CSGALNACT1: variants seen among roughly 807,000 people sequenced by gnomAD.
CSGALNACT1 encodes beta4GalNAcT-1.
A neutral mutation model predicts 51.0 loss-of-function variants in CSGALNACT1; 52 were observed. That is an observed-to-expected ratio of 1.02 (90% CI 0.82 to 1.29). CSGALNACT1 has a LOEUF of 1.29. Among genes scored for constraint, CSGALNACT1 ranks in the 50% most tolerant of loss-of-function variants. CSGALNACT1 has a pLI of 0.00. For synonymous variants in CSGALNACT1, 341 were observed against 254.4 expected (o/e 1.34, Z -3.24); for missense variants, 935 against 679.2 (o/e 1.38, Z -4.19).
At chr8:19,420,463 C>T in exon 7 of CSGALNACT1, 1 of 1,614,210 alleles carries the variant, frequency 6.2e-7, no homozygotes, top group Non-Finnish European at 8.5e-7. Flanking sequence ...AGTCCCTTTC[C>T]CCGAGAAAAT....
In CSGALNACT1 at chr8:19,632,946, T is replaced by G. The variant is rs2154171116; in HGVS notation, c.-543-31081A>C. ...ATTTTTTTTTCTTTTTTTTTTTTTTTTGGTAGAGACGAGGTTTCCCCATGT... is the reference window on the plus strand; with the variant it reads ...ATTTTTTTTTCTTTTTTTTTTTTTTGTGGTAGAGACGAGGTTTCCCCATGT... On this transcript the variant is annotated intron_variant, in intron 1 of 9. Transcript: ENST00000332246. Among the ~76,000 whole-genome samples the G allele has an allele frequency of 2.0e-5, 3 of 150,320 alleles. No individual in the cohort carries two copies. The East Asian group carries it at 5.8e-4, about 29-fold the overall frequency.
At chr8:19,580,921 A>G (rs2045425493) in intron 3 of CSGALNACT1, among the ~76,000 whole-genome samples, 1 of 152,222 alleles carries the variant, frequency 6.6e-6, no homozygotes, top group East Asian at 1.9e-4. Flanking sequence ...TTGGAGTGAA[A>G]CAGGTGTCAG....
intron 8 of CSGALNACT1, among the ~76,000 whole-genome samples, chr8:19,417,891 C>T (rs751054827): frequency 6.6e-6 from 1 of 152,220 alleles, no homozygotes; most frequent in Non-Finnish European, 1.5e-5. Flanking sequence ...CCAGAAGACA[C>T]AGAGATCCTC....
intron 4 of CSGALNACT1, among the ~76,000 whole-genome samples, chr8:19,476,395 C>G (rs905552043): frequency 3.9e-5 from 6 of 152,130 alleles, no homozygotes; most frequent in Admixed American, 3.9e-4. Flanking sequence ...TGCCCACCAC[C>G]ACGCCTGGCT....
intron 1 of CSGALNACT1, among the ~76,000 whole-genome samples, chr8:19,673,281 G>C (rs1344129461): frequency 6.6e-6 from 1 of 152,224 alleles, no homozygotes; most frequent in Non-Finnish European, 1.5e-5. Context: ...AACTACTGCA[G>C]CTTCACAACT....
At chr8:19,729,850 T>C (rs1478793852) in intron 1 of CSGALNACT1, among the ~76,000 whole-genome samples, 1 of 151,884 alleles carries the variant, frequency 6.6e-6, no homozygotes, top group Non-Finnish European at 1.5e-5. Flanking sequence ...CTGAACGGGG[T>C]CCCATGAAGA....
chr8:19,634,422 G>C (rs776448462), intron 1 of CSGALNACT1, among the ~76,000 whole-genome samples: 2 of 152,036 alleles, frequency 1.3e-5, no homozygotes, highest in Non-Finnish European at 2.9e-5. Context: ...CCAGCAGAGA[G>C]AGGCCGAGGC....
intron 5 of CSGALNACT1, chr8:19,457,856 C>G: frequency 7.6e-7 from 1 of 1,307,608 alleles, no homozygotes; most frequent in Non-Finnish European, 1.0e-6. Flanking sequence ...TGAGTAGCTA[C>G]AAAAATGTGG....
intron 6 of CSGALNACT1, among the ~76,000 whole-genome samples, chr8:19,426,561 G>A (rs4554480): frequency 0.47 from 70,958 of 152,000 alleles, 18,017 homozygotes; most frequent in East Asian, 0.83. Context: ...GAAACTGAAC[G>A]TGCAGTTCCA....
chr8:19,479,420 G>C (rs148033732), intron 4 of CSGALNACT1, among the ~76,000 whole-genome samples: 2,057 of 152,270 alleles, frequency 0.014, 19 homozygotes, highest in Middle Eastern at 0.037. Context: ...GTCCAGGCTG[G>C]CCTTTGGTTT....
chr8:19,509,114 G>T (rs192154630), intron 3 of CSGALNACT1, among the ~76,000 whole-genome samples: 2 of 152,190 alleles, frequency 1.3e-5, no homozygotes, highest in African/African-American at 2.4e-5. Context: ...AGCAGATAAC[G>T]TGTGTCGGAA....
chr8:19,517,333 G>A (rs546958334), intron 3 of CSGALNACT1, among the ~76,000 whole-genome samples: 218 of 152,212 alleles, frequency 1.4e-3, no homozygotes, highest in African/African-American at 5.0e-3. Context: ...CCAGTTGCTC[G>A]GGAGGCTGAG....
intron 6 of CSGALNACT1, among the ~76,000 whole-genome samples, chr8:19,421,586 C>A (rs942683294): frequency 6.6e-6 from 1 of 152,346 alleles, no homozygotes; most frequent in East Asian, 1.9e-4. Context: ...CATGCCCCAA[C>A]TTCTCTCTAC....
chr8:19,727,142 C>A (rs2063443749), intron 1 of CSGALNACT1, among the ~76,000 whole-genome samples: 1 of 152,096 alleles, frequency 6.6e-6, no homozygotes, highest in South Asian at 2.1e-4. Flanking sequence ...CCAGACTTTC[C>A]TTATCGGGAA....
intron 4 of CSGALNACT1, among the ~76,000 whole-genome samples, chr8:19,502,500 T>C (rs919606032): frequency 6.6e-6 from 1 of 152,198 alleles, no homozygotes; most frequent in Non-Finnish European, 1.5e-5. Context: ...TGTTATTTTT[T>C]AAATACAAAG....
At chr8:19,677,352 C>G (rs1252887601) in intron 1 of CSGALNACT1, among the ~76,000 whole-genome samples, 1 of 152,182 alleles carries the variant, frequency 6.6e-6, no homozygotes, top group African/African-American at 2.4e-5. Flanking sequence ...CTCAAGTCAT[C>G]CTCCCACCTC....
chr8:19,663,837 A>T (rs1325600777), intron 1 of CSGALNACT1, among the ~76,000 whole-genome samples: 1 of 152,254 alleles, frequency 6.6e-6, no homozygotes, highest in East Asian at 1.9e-4. Flanking sequence ...CTTCTCCTCC[A>T]TCCCACAATT....
intron 1 of CSGALNACT1, among the ~76,000 whole-genome samples, chr8:19,739,875 C>T (rs1048477355): frequency 6.6e-5 from 10 of 152,112 alleles, no homozygotes; most frequent in African/African-American, 2.4e-4. Flanking sequence ...TTTGTGTTAC[C>T]GTTGTTCTTT....
At chr8:19,591,147 G>C (rs530456366) in intron 3 of CSGALNACT1, 2 of 152,282 alleles carry the variant, frequency 1.3e-5, no homozygotes, top group Non-Finnish European at 2.9e-5. Context: ...AAGAGATCAG[G>C]ACCTGGACCC....
Sources: gnomAD v4.1 joint callset for allele counts (sites outside exome capture counted in the v4.1 genomes callset) on GRCh38, gnomAD v4.1.1 for gene constraint, MANE v1.5 for transcripts, NCBI Gene and HGNC (gene_info 2026-07-23, HGNC 2026-07-21) for gene names.